Variants in CNR1 observed in about 807,000 individuals in gnomAD.
CNR1 encodes the protein cannabinoid receptor 1.
CNR1 carries 10 observed loss-of-function variants against 23.0 expected under a neutral mutation model. The ratio of observed to expected loss-of-function variants is 0.43; its 90% confidence interval spans 0.27 to 0.74. CNR1 has a LOEUF of 0.74. Among genes scored for constraint, CNR1 ranks in the 30% least tolerant of loss-of-function variants. The pLI, the probability that CNR1 is intolerant of heterozygous loss-of-function variation, is 0.19. For missense variants in CNR1, 422 were observed against 618.8 expected, an observed-to-expected ratio of 0.68 and a Z score of 3.37; for synonymous variants, 271 against 255.2, an observed-to-expected ratio of 1.06 and a Z score of -0.59.
chr6:88,157,229 A>G (rs1014494132), intron 1 of CNR1, among the ~76,000 whole-genome samples: 5 of 152,170 alleles, frequency 3.3e-5, no homozygotes, highest in East Asian at 1.9e-4. Context: ...ATTATTGTGC[A>G]TTGATGTTTC....
chr6:88,161,805 C>T (rs190004638), intron 1 of CNR1, among the ~76,000 whole-genome samples: 1 of 152,280 alleles, frequency 6.6e-6, no homozygotes, highest in African/African-American at 2.4e-5. Flanking sequence ...AAATCACCCA[C>T]CTTACAAACC....
In CNR1 at chr6:88,141,265, T is replaced by G. The variant is rs554984406; in HGVS notation, c.*2591A>C. Reference sequence around the variant, plus strand: ...AAGTGTCAAAGTGAATCTAACTAGTTTTAAACCTTTTTAAATGAAGGTTGT... The same window carrying G: ...AAGTGTCAAAGTGAATCTAACTAGTGTTAAACCTTTTTAAATGAAGGTTGT... On this transcript the variant is annotated 3_prime_UTR_variant, in exon 2 of 2. Coordinates refer to ENST00000369501, the MANE Select transcript of CNR1 (RefSeq NM_016083.6). The G allele has an allele frequency of 6.5e-6, 1 of 152,878 alleles. No individual in the cohort carries two copies. Among genetic ancestry groups the G allele is most frequent in the Admixed American group, 6.5e-5 (1 of 15,302 alleles). 9.5% of individuals were successfully genotyped at this position (152,878 alleles called of 1,614,324 possible). A position where few individuals can be genotyped will look rare whatever the true frequency, so the allele number is the denominator to read the frequency against.
At position 88,143,608 on chromosome 6, in the gene CNR1, T is replaced by C. The variant is rs778873898; in HGVS notation, c.*248A>G. The C allele has an allele frequency of 1.2e-5, 5 of 406,686 alleles. No individual in the cohort carries two copies. The highest frequency in any genetic ancestry group is 8.1e-5 in the African/African-American group (4 of 49,126). 25.2% of individuals were successfully genotyped at this position (406,686 alleles called of 1,614,324 possible). The stretch of plus-strand genomic sequence containing the variant: ...AGCCAAAGGTTTCCCTCCTATTTCA[T>C]TGAGACTTTGAAGGATCGTTCAGTC... On this transcript the variant is annotated 3_prime_UTR_variant, in exon 2 of 2. Coordinates refer to ENST00000369501, the MANE Select transcript of CNR1 (RefSeq NM_016083.6).
rs1438447526 is a variant in CNR1 at position 88,144,329 on chromosome 6, T to A, written c.946A>T (p.Ser316Cys). 6.2e-7 allele frequency: 1 copy of A among 1,613,408 alleles called. No homozygotes were observed. The highest frequency in any genetic ancestry group is 1.1e-5 in the South Asian group (1 of 91,082). The change falls in exon 2 of 2, where the codon AGC becomes TGC. Residue 316 changes from serine to cysteine, a missense_variant. Coordinates refer to ENST00000369501, the MANE Select transcript of CNR1 (RefSeq NM_016083.6). This position sits in a 1 kb window ranked among gnomAD's most constrained non-coding sequence, Gnocchi z 7.8. The part of the protein sequence containing the change: ...VRMIQRGTQK[S>C]IIIHTSEDGK... ...TCCTCAGACGTGTGGATGATGATGC[T>A]CTTCTGGGTGCCACGCTGAATCATG...
intron 1 of CNR1, among the ~76,000 whole-genome samples, chr6:88,146,076 C>A (rs1348871268): frequency 2.0e-5 from 3 of 152,034 alleles, no homozygotes; most frequent in Non-Finnish European, 4.4e-5. Flanking sequence ...TGCAATGAGG[C>A]GTATAGGAAG....
chr6:88,147,370 C>T (rs1314606842), intron 1 of CNR1, among the ~76,000 whole-genome samples: 2 of 152,044 alleles, frequency 1.3e-5, no homozygotes, highest in African/African-American at 4.8e-5. Context: ...ACAGCTGACT[C>T]AGAAATTAAA....
rs761375736 is a variant in CNR1 at position 88,144,917 on chromosome 6, C to A, written c.358G>T (p.Ala120Ser). The A allele has an allele frequency of 1.2e-6, 2 of 1,614,204 alleles. No individual in the cohort carries two copies. The highest frequency in any genetic ancestry group is 2.2e-5 in the South Asian group (2 of 91,078). Residue 120 changes from alanine (A) to serine (S), a missense_variant, in exon 2 of 2, where the codon GCA (alanine) becomes TCA (serine). Physicochemically the swap from Ala to Ser is moderately conservative, Grantham distance 99. Transcript: ENST00000369501. This position sits in a 1 kb window ranked among gnomAD's most constrained non-coding sequence, Gnocchi z 7.8. ...GTGCCCAGCGTGAGGGACAGGACTG[C>A]AATGGCCAGCTGCTGGCTGGGGTTC... ...VLNPSQQLAI[A>S]VLSLTLGTFT...
intron 1 of CNR1, among the ~76,000 whole-genome samples, chr6:88,154,482 T>C (rs550747301): frequency 4.6e-5 from 7 of 152,394 alleles, no homozygotes; most frequent in African/African-American, 1.7e-4. Flanking sequence ...TATTTAATTT[T>C]GCTCTTCTGT....
intron 1 of CNR1, among the ~76,000 whole-genome samples, chr6:88,165,303 T>C (rs967665023): frequency 1.3e-5 from 2 of 152,230 alleles, no homozygotes; most frequent in Non-Finnish European, 2.9e-5. Context: ...CAACATTCAA[T>C]TTTAGGTATT....
chr6:88,147,551 C>T (rs1055711678), intron 1 of CNR1: 1 of 152,146 alleles, frequency 6.6e-6, no homozygotes, highest in Non-Finnish European at 1.5e-5. Context: ...TTATTTAATA[C>T]CCTAGTGTCA....
rs757346364 is a variant in CNR1 at position 88,145,100 on chromosome 6, G to C, written c.175C>G (p.Gln59Glu). ...PLTSFRGSPFQEKMTAGDNPQ... is the reference protein window; with the variant it reads ...PLTSFRGSPFEEKMTAGDNPQ... ...TTGTCTCCCGCAGTCATCTTCTCTT[G>C]GAAGGGACTTCCCCTAAAGGAAGTT... Residue 59 changes from glutamine to glutamate, a missense_variant, in exon 2 of 2, where the codon CAA (glutamine) becomes GAA (glutamate). Physicochemically the swap from Gln to Glu is conservative, Grantham distance 29 (BLOSUM62 2). Around this residue, in one of 4 missense-constraint regions of CNR1, gnomAD observed 120 missense variants for 117.6 expected, o/e 1.02. Coordinates refer to ENST00000369501, the MANE Select transcript of CNR1 (RefSeq NM_016083.6). 1.4e-5 allele frequency: 23 copies of C among 1,614,058 alleles called. No homozygotes were observed. The highest frequency in any genetic ancestry group is 1.9e-5 in the Non-Finnish European group (23 of 1,180,032).
chr6:88,160,420 A>C (rs1256729081), intron 1 of CNR1, among the ~76,000 whole-genome samples: 1 of 151,786 alleles, frequency 6.6e-6, no homozygotes, highest in Non-Finnish European at 1.5e-5. Context: ...AAACTTAAAA[A>C]ATTTTTTTTC....
chr6:88,156,087 T>G (rs1401709814), intron 1 of CNR1, among the ~76,000 whole-genome samples: 1 of 152,216 alleles, frequency 6.6e-6, no homozygotes, highest in Non-Finnish European at 1.5e-5. Context: ...GAAGACTTTC[T>G]GTGGCCCATT....
At chr6:88,148,861 T>C (rs2127837120) in intron 1 of CNR1, among the ~76,000 whole-genome samples, 1 of 152,296 alleles carries the variant, frequency 6.6e-6, no homozygotes, top group East Asian at 1.9e-4. Flanking sequence ...TGTAACCCTT[T>C]TACAAGATCA....
At chr6:88,157,195 CTTT>C (rs1036612989) in intron 1 of CNR1, among the ~76,000 whole-genome samples, 4 of 152,096 alleles carry the variant, frequency 2.6e-5, no homozygotes, top group African/African-American at 9.7e-5. Flanking sequence ...TTATAATGGA[CTTT>C]TTTTCTTCCC....
At chr6:88,154,423 A>G (rs1207157189) in intron 1 of CNR1, among the ~76,000 whole-genome samples, 1 of 152,236 alleles carries the variant, frequency 6.6e-6, no homozygotes, top group Non-Finnish European at 1.5e-5. Context: ...TCTTGAATTA[A>G]TGATACAAAT....
chr6:88,153,455 ATTCTAAGT>A (rs1018734708), intron 1 of CNR1, among the ~76,000 whole-genome samples: 4 of 152,202 alleles, frequency 2.6e-5, no homozygotes, highest in Non-Finnish European at 4.4e-5. Flanking sequence ...CTTCTCTGAT[ATTCTAAGT>A]TTCTAAGTGC....
chr6:88,164,623 G>A (rs187148401), intron 1 of CNR1, among the ~76,000 whole-genome samples: 87 of 152,300 alleles, frequency 5.7e-4, no homozygotes, highest in Middle Eastern at 6.8e-3. Context: ...ATCAATTAGT[G>A]TATCTTCCCT....
intron 1 of CNR1, among the ~76,000 whole-genome samples, chr6:88,152,822 G>A (rs1777597669): frequency 6.6e-6 from 1 of 152,116 alleles, no homozygotes; most frequent in Non-Finnish European, 1.5e-5. Context: ...AACTTCCTTT[G>A]AGAGTTCATT....
Sources: allele counts gnomAD v4.1 joint callset (sites outside exome capture counted in the v4.1 genomes callset), GRCh38; gene constraint gnomAD v4.1.1; regional missense constraint gnomAD v4.1.1; non-coding constraint Gnocchi (gnomAD v3.1); transcripts MANE v1.5; gene names NCBI Gene and HGNC (gene_info 2026-07-23, HGNC 2026-07-21).